SPART: variants seen among roughly 807,000 people sequenced by gnomAD.
SPART encodes the protein spastic paraplegia 20 (Troyer syndrome).
SPART carries 35 observed loss-of-function variants against 58.7 expected under a neutral mutation model. The ratio of observed to expected loss-of-function variants is 0.60; its 90% CI spans 0.46 to 0.79. The LOEUF (loss-of-function observed/expected upper bound fraction) is 0.79, where lower values mean the gene tolerates loss of function less well. Ranked by LOEUF, SPART falls within the 30% of genes least tolerant of loss-of-function variation. SPART has a pLI of 0.00. For missense variants in SPART, 730 were observed against 786.1 expected, an observed-to-expected ratio of 0.93 and a Z score of 0.85; for synonymous variants, 284 against 280.7, an observed-to-expected ratio of 1.01 and a Z score of -0.12.
chr13:36,369,922 A>T (rs1305606218), intron 1 of SPART, among the ~76,000 whole-genome samples: 1 of 152,158 alleles, frequency 6.6e-6, no homozygotes, highest in Admixed American at 6.5e-5. Flanking sequence ...ACACAATAGA[A>T]CTTTGACGAT....
At chr13:36,339,697 A>G (rs1884395345) in intron 1 of SPART, among the ~76,000 whole-genome samples, 1 of 151,836 alleles carries the variant, frequency 6.6e-6, no homozygotes, top group Non-Finnish European at 1.5e-5. Flanking sequence ...GAACAGAGAA[A>G]AAATAAGGGA....
rs773198172 is a variant in SPART at position 36,304,397 on chromosome 13, C to G, written c.1969G>C (p.Glu657Gln). Residue 657 changes from glutamate (E) to glutamine (Q), a missense_variant, in exon 9 of 9, where the codon GAA (glutamate) becomes CAA (glutamine). Physicochemically the swap from Glu to Gln is conservative, Grantham distance 29. Coordinates refer to ENST00000438666, the MANE Select transcript of SPART (RefSeq NM_015087.5). ...VRGEKDEQTK[E>Q]VKEAKKKDK is the part of the protein sequence containing the mutation. ...TCTTTCTTCTTTGCCTCCTTTACTT[C>G]CTTCGTCTGCTCATCCTTCTCCCCT... 1.2e-6 allele frequency: 2 copies of G among 1,613,892 alleles called. No individual in the cohort carries two copies. Among genetic ancestry groups the G allele is most frequent in the Admixed American group, 3.3e-5 (2 of 60,016 alleles).
chr13:36,335,503 C>A lies in SPART; in HGVS notation c.328G>T (p.Val110Leu). Reference sequence around the variant, plus strand: ...GGAAATTCTGGATATAACTTGGGCACCTCCTGAAGATCATTCTGCAGAGAA... The same window carrying A: ...GGAAATTCTGGATATAACTTGGGCAACTCCTGAAGATCATTCTGCAGAGAA... ...ATSLQNDLQE[V>L]PKLYPEFPPK... The change falls in exon 2 of 9, where the codon GTG becomes TTG. Residue 110 changes from valine to leucine, a missense_variant. Transcript: ENST00000438666. The A allele has an allele frequency of 6.2e-7, 1 of 1,614,150 alleles. No individual in the cohort carries two copies. Among genetic ancestry groups the A allele is most frequent in the Non-Finnish European group, 8.5e-7 (1 of 1,180,010 alleles).
intron 5 of SPART, among the ~76,000 whole-genome samples, chr13:36,316,840 C>T (rs989061511): frequency 2.0e-5 from 3 of 152,138 alleles, no homozygotes; most frequent in Admixed American, 6.5e-5. Context: ...TTCTTTGCTC[C>T]GTGAGAAAGA....
At chr13:36,345,505 T>C (rs1885011448) in intron 1 of SPART, 1 of 152,222 alleles carries the variant, frequency 6.6e-6, no homozygotes. Flanking sequence ...TTCGTTAAAT[T>C]ATGATACAAT....
chr13:36,365,149 TCTC>T (rs1886008445), intron 1 of SPART, among the ~76,000 whole-genome samples: 1 of 152,030 alleles, frequency 6.6e-6, no homozygotes, highest in South Asian at 2.1e-4. Context: ...TCTCCTCCCA[TCTC>T]CTCTACACAC....
intron 8 of SPART, among the ~76,000 whole-genome samples, chr13:36,311,600 C>T (rs1014746407): frequency 1.3e-5 from 2 of 152,064 alleles, no homozygotes; most frequent in African/African-American, 4.8e-5. Flanking sequence ...AAAAAAATAA[C>T]CTTATTCTTC....
chr13:36,318,718 C>T (rs1350879970), intron 5 of SPART, among the ~76,000 whole-genome samples: 16 of 152,218 alleles, frequency 1.1e-4, no homozygotes, highest in Non-Finnish European at 2.1e-4. Flanking sequence ...GCTTGCTACA[C>T]GTGCCGGAAA....
Position 36,314,432 on chromosome 13 carries a change from G to T in SPART, c.1289-11C>A, listed in dbSNP as rs753010108. 2.5e-6 allele frequency: 4 copies of T among 1,613,498 alleles called. No individual in the cohort carries two copies. Among genetic ancestry groups the T allele is most frequent in the Non-Finnish European group, 2.5e-6 (3 of 1,179,576 alleles). ...TCACCCAGGAAGCACCTTTTTAAAA[G>T]AAAATTTAAAATTGCACAATATTAG... is the stretch of plus-strand genomic sequence containing the variant. On this transcript the variant is annotated splice_polypyrimidine_tract_variant and intron_variant, in intron 5 of 8. Transcript: ENST00000438666.
intron 5 of SPART, among the ~76,000 whole-genome samples, chr13:36,319,319 C>T (rs1401232573): frequency 6.7e-6 from 1 of 148,226 alleles, no homozygotes; most frequent in Middle Eastern, 3.4e-3. Flanking sequence ...CCTCTTGTAT[C>T]CCCCCACCTT....
At chr13:36,358,136 CCTG>C (rs1885692668) in intron 1 of SPART, among the ~76,000 whole-genome samples, 3 of 151,938 alleles carry the variant, frequency 2.0e-5, no homozygotes, top group Admixed American at 6.6e-5. Context: ...AAAAGAAAAA[CCTG>C]CTATTTTATG....
intron 1 of SPART, among the ~76,000 whole-genome samples, chr13:36,338,601 A>G (rs1018081634): frequency 7.9e-5 from 12 of 152,204 alleles, no homozygotes; most frequent in Admixed American, 6.5e-4. Context: ...CAGCCCTGAA[A>G]GACTGAGTGC....
At chr13:36,331,313 G>C in intron 3 of SPART, 86 bp downstream of exon 3, 3 of 1,114,504 alleles carry the variant, frequency 2.7e-6, no homozygotes, top group Non-Finnish European at 4.1e-6. Context: ...CTTGATTACA[G>C]TAGAGGTTAT....
At chr13:36,323,348 T>C (rs1297463318) in intron 5 of SPART, among the ~76,000 whole-genome samples, 2 of 152,180 alleles carry the variant, frequency 1.3e-5, no homozygotes, top group Non-Finnish European at 2.9e-5. Flanking sequence ...TCTACCTCCT[T>C]CCAAATTAGC....
At chr13:36,313,050 T>A (rs1881294452) in intron 6 of SPART, among the ~76,000 whole-genome samples, 1 of 152,126 alleles carries the variant, frequency 6.6e-6, no homozygotes, top group Non-Finnish European at 1.5e-5. Context: ...GGTAATCCAT[T>A]AAGGTCCTAT....
intron 2 of SPART, among the ~76,000 whole-genome samples, chr13:36,333,011 CT>C (rs951064943): frequency 8.8e-5 from 13 of 147,766 alleles, no homozygotes; most frequent in South Asian, 2.2e-4. Flanking sequence ...AAAGGTTTTT[CT>C]TTTTTTTTTC....
chr13:36,315,374 CTTA>C (rs1881585412), intron 5 of SPART, among the ~76,000 whole-genome samples: 2 of 152,108 alleles, frequency 1.3e-5, no homozygotes, highest in Admixed American at 1.3e-4. Context: ...TTGGCTAACA[CTTA>C]ACAATGAGCT....
At chr13:36,352,754 C>T (rs1292065537) in intron 1 of SPART, among the ~76,000 whole-genome samples, 1 of 149,976 alleles carries the variant, frequency 6.7e-6, no homozygotes, top group African/African-American at 2.5e-5. Flanking sequence ...CAAGACCAGA[C>T]CAGCCTGGGC....
intron 1 of SPART, among the ~76,000 whole-genome samples, chr13:36,368,869 CT>C (rs1193402778): frequency 6.6e-6 from 1 of 152,042 alleles, no homozygotes; most frequent in Non-Finnish European, 1.5e-5. Flanking sequence ...TGTGGTAGCG[CT>C]TGCCTGTAAT....
Sources: gnomAD v4.1 joint callset for allele counts (sites outside exome capture counted in the v4.1 genomes callset) on GRCh38, gnomAD v4.1.1 for gene constraint, MANE v1.5 for transcripts, NCBI Gene and HGNC (gene_info 2026-07-23, HGNC 2026-07-21) for gene names.